Variants in NUP85 observed in about 807,000 individuals in gnomAD.
NUP85 encodes the protein nucleoporin 85, also known as nuclear pore complex protein Nup85.
In NUP85, 23 loss-of-function variants were observed where a neutral mutation model predicts 92.8. That is an observed-to-expected ratio of 0.25 (90% CI 0.18 to 0.35). The LOEUF (loss-of-function observed/expected upper bound fraction) is 0.35. Ranked by LOEUF, NUP85 falls within the 10% of genes least tolerant of loss-of-function variation. The pLI is 1.00. For missense variants in NUP85, 759 were observed against 822.8 expected (o/e 0.92, Z 0.95); for synonymous variants, 314 against 306.9 (o/e 1.02, Z -0.24).
chr17:75,228,717 T>C, intron 11 of NUP85: 3 of 985,420 alleles, frequency 3.0e-6, no homozygotes, highest in Non-Finnish European at 3.6e-6. Flanking sequence ...TTCTTTCTTT[T>C]TTTTCCTTTC....
intron 7 of NUP85, among the ~76,000 whole-genome samples, chr17:75,222,927 C>T (rs1175319083): frequency 2.7e-5 from 4 of 148,894 alleles, no homozygotes; most frequent in Non-Finnish European, 4.4e-5. Context: ...CCCAGCTACT[C>T]GGGAGGCTGA....
At chr17:75,213,803 C>G (rs1275042502) in intron 5 of NUP85, among the ~76,000 whole-genome samples, 3 of 151,818 alleles carry the variant, frequency 2.0e-5, no homozygotes, top group Non-Finnish European at 4.4e-5. Flanking sequence ...ATCCTCCTGC[C>G]TTGGCCTCCC....
intron 7 of NUP85, among the ~76,000 whole-genome samples, chr17:75,224,875 T>C (rs1279352604): frequency 6.6e-6 from 1 of 150,462 alleles, no homozygotes; most frequent in African/African-American, 2.4e-5. Context: ...GGACTACAGC[T>C]GGCTGTTTGA....
rs376603984 is a variant in NUP85, at chr17:75,209,938, C to A, written c.243C>A (p.Gly81=). 1.5e-5 allele frequency: 23 copies of A among 1,583,204 alleles called. No homozygotes were observed. The highest frequency in any genetic ancestry group is 1.9e-5 in the Non-Finnish European group (22 of 1,172,138). Residue 81 remains glycine (G), a synonymous_variant, in exon 3 of 19, where the codon GGC becomes GGA. Coordinates refer to ENST00000245544, the MANE Select transcript of NUP85 (RefSeq NM_024844.5). ...LFNESHGIFL[G]LQRIDEELTG... ...ATGAATCCCATGGAATCTTTCTGGGCCTCCAGAGAATTGACGAAGAGTTGA... is the reference window on the plus strand; with the variant it reads ...ATGAATCCCATGGAATCTTTCTGGGACTCCAGAGAATTGACGAAGAGTTGA...
At chr17:75,215,164 T>C (rs1306964603) in intron 5 of NUP85, among the ~76,000 whole-genome samples, 2 of 152,120 alleles carry the variant, frequency 1.3e-5, no homozygotes, top group East Asian at 3.9e-4. Flanking sequence ...AGAGCCAAAC[T>C]CCATCTCAAA....
At position 75,225,345 on chromosome 17, in the gene NUP85, G is replaced by A; in HGVS notation, c.736G>A (p.Gly246Arg). The A allele has an allele frequency of 6.2e-7, 1 of 1,614,186 alleles. No individual in the cohort carries two copies. The highest frequency in any genetic ancestry group is 8.5e-7 in the Non-Finnish European group (1 of 1,180,016). ...TCATGGCTGGTCTCTCCCTTAGCCC[G>A]GGAACACCCAGACACTGACAGAGCT... The part of the protein sequence containing the change: ...LMRTMPILSP[G>R]NTQTLTELEL... The change falls in exon 9 of 19, where the codon GGG becomes AGG. Residue 246 changes from glycine (G) to arginine (R), a missense_variant. Gly to Arg is a moderately radical substitution (Grantham distance 125). Transcript: ENST00000245544.
In NUP85 at chr17:75,231,942, G is replaced by A. The variant is rs1478454844; in HGVS notation, c.1359G>A (p.Val453=). 1 of 1,614,208 alleles carries A rather than the reference G, an allele frequency of 6.2e-7. No homozygotes were observed. The highest frequency in any genetic ancestry group is 1.3e-5 in the African/African-American group (1 of 75,048). Residue 453 remains valine, a synonymous_variant, in exon 14 of 19, where the codon GTG becomes GTA. Coordinates refer to ENST00000245544, the MANE Select transcript of NUP85 (RefSeq NM_024844.5). This position sits in a 1 kb window ranked among gnomAD's most constrained non-coding sequence, Gnocchi z 4.6. ...ACACCGAGCAGAAAGCCCTGAAGGTGCTGCGGATCTGTGAGCAGCGGCAGA... is the reference window on the plus strand; with the variant it reads ...ACACCGAGCAGAAAGCCCTGAAGGTACTGCGGATCTGTGAGCAGCGGCAGA... ...PLNTEQKALK[V]LRICEQRQMT... is the part of the protein sequence containing the mutation.
At chr17:75,229,808 G>A (rs1187138999) in intron 11 of NUP85, among the ~76,000 whole-genome samples, 1 of 152,186 alleles carries the variant, frequency 6.6e-6, no homozygotes, top group African/African-American at 2.4e-5. Context: ...CCTTCCAGTT[G>A]TTGGTGGCTT....
At chr17:75,226,523 G>C (rs2075801026) in intron 11 of NUP85, among the ~76,000 whole-genome samples, 1 of 152,076 alleles carries the variant, frequency 6.6e-6, no homozygotes, top group Admixed American at 6.6e-5. Context: ...TCATGAGGGA[G>C]GATGTGGCCT....
rs536734726 is a variant in NUP85 at position 75,225,259 on chromosome 17, C to T, written c.732+22C>T. ...TAGTGTACGTGGGGGTAGCTTTGCTCTGCTGGGTCACAGGAGATGCGTGAT... is the reference window on the plus strand; with the variant it reads ...TAGTGTACGTGGGGGTAGCTTTGCTTTGCTGGGTCACAGGAGATGCGTGAT... On this transcript the variant is annotated intron_variant, in intron 8 of 18. Coordinates refer to ENST00000245544, the MANE Select transcript of NUP85 (RefSeq NM_024844.5). The T allele has an allele frequency of 1.9e-6, 3 of 1,605,798 alleles. No homozygotes were observed. In the Admixed American group the frequency reaches 5.0e-5, roughly 27 times the overall value.
In NUP85 at chr17:75,215,777, G is replaced by C. The variant is rs1369978667; in HGVS notation, c.429G>C (p.Glu143Asp). Reference protein sequence around the residue: ...SSQVSILSAMELIWNLCEILF... With the variant: ...SSQVSILSAMDLIWNLCEILF... Reference sequence around the variant, plus strand: ...AGGTCTCCATTTTGTCAGCAATGGAGCTCATCTGGAACCTGTGTGAGATTC... The same window carrying C: ...AGGTCTCCATTTTGTCAGCAATGGACCTCATCTGGAACCTGTGTGAGATTC... Residue 143 changes from glutamate (E) to aspartate (D), a missense_variant, in exon 6 of 19, where the codon GAG (glutamate) becomes GAC (aspartate). By Grantham distance (45) the Glu-to-Asp change is conservative (BLOSUM62 2). Coordinates refer to ENST00000245544, the MANE Select transcript of NUP85 (RefSeq NM_024844.5). 6.2e-7 allele frequency: 1 copy of C among 1,613,932 alleles called. No individual in the cohort carries two copies. The highest frequency in any genetic ancestry group is 2.2e-5 in the East Asian group (1 of 44,896).
chr17:75,233,238 T>TC (rs2076147320), intron 16 of NUP85, 80 bp downstream of exon 16: 2 of 1,067,698 alleles, frequency 1.9e-6, no homozygotes, highest in Non-Finnish European at 2.9e-6. Flanking sequence ...GTCAGACTTC[T>TC]CCCAGCGCTT....
intron 4 of NUP85, among the ~76,000 whole-genome samples, chr17:75,212,264 T>TTG (rs2075297605): frequency 3.5e-5 from 1 of 28,838 alleles, no homozygotes; most frequent in African/African-American, 9.9e-5. Context: ...TTTTTTTTTT[T>TTG]TTTTTTTTTT....
At chr17:75,206,589 G>T (rs536489075) in intron 1 of NUP85, among the ~76,000 whole-genome samples, 1 of 152,120 alleles carries the variant, frequency 6.6e-6, no homozygotes, top group Non-Finnish European at 1.5e-5. Flanking sequence ...TTACATTCTT[G>T]TGAGTCGGTG....
Position 75,235,021 on chromosome 17 carries a change from C to T in NUP85, c.1768-79C>T, listed in dbSNP as rs778993162. The stretch of plus-strand genomic sequence containing the variant: ...ATTGCGAAGGGTATGAAAGGAAGAA[C>T]GTCCGAACATGGGCCCCTGCCCCAA... On this transcript the variant is annotated intron_variant, in intron 17 of 18. Transcript: ENST00000245544. 245 of 1,194,110 alleles carry T rather than the reference C, an allele frequency of 2.1e-4. 1 individual carries two copies. The highest frequency in any genetic ancestry group is 5.7e-4 in the Admixed American group (33 of 57,748). 74.0% of individuals were successfully genotyped at this position (1,194,110 alleles called of 1,614,324 possible).
intron 14 of NUP85, 142 bp from the exon 15 acceptor site, chr17:75,232,709 C>T (rs963033127): frequency 2.6e-6 from 2 of 759,218 alleles, no homozygotes; most frequent in Admixed American, 3.6e-5. Context: ...GTTTCCAGCT[C>T]TGCCGATCCA....
At chr17:75,212,238 T>TTGTTGTTGTTG (rs2075291494) in intron 4 of NUP85, among the ~76,000 whole-genome samples, 176 bp downstream of exon 4, 1 of 7,974 alleles carries the variant, frequency 1.3e-4, no homozygotes, top group African/African-American at 1.7e-4. Flanking sequence ...GGTTTTTTTT[T>TTGTTGTTGTTG]TTGTTGTTGT....
rs759915823 is a variant in NUP85, at chr17:75,231,418, C to G, written c.1173C>G (p.Asn391Lys). ...ACTGCAAGCTCCTCCAGTCACACAA[C>G]CTCTAGTAAGTGGCCGGGAGGCACC... The part of the protein sequence containing the change: ...LDHCKLLQSH[N>K]LYFGSNMREF... Residue 391 changes from asparagine (N) to lysine (K), a missense_variant, in exon 12 of 19, where the codon AAC becomes AAG. Coordinates refer to ENST00000245544, the MANE Select transcript of NUP85 (RefSeq NM_024844.5). This position sits in a 1 kb window ranked among gnomAD's most constrained non-coding sequence, Gnocchi z 4.6. 13 of 1,614,188 alleles carry G rather than the reference C, an allele frequency of 8.1e-6. No individual in the cohort carries two copies. In the South Asian group the frequency reaches 1.3e-4, roughly 16 times the overall value.
chr17:75,232,658 C>T (rs2076117835), intron 14 of NUP85, among the ~76,000 whole-genome samples, 193 bp from the exon 15 acceptor site: 1 of 152,162 alleles, frequency 6.6e-6, no homozygotes, highest in Non-Finnish European at 1.5e-5. Flanking sequence ...GTGATGGGCA[C>T]TTACACTCTT....
Sources: gnomAD v4.1 joint callset for allele counts (sites outside exome capture counted in the v4.1 genomes callset) on GRCh38, gnomAD v4.1.1 for gene constraint, Gnocchi (gnomAD v3.1) non-coding constraint, MANE v1.5 for transcripts, NCBI Gene and HGNC (gene_info 2026-07-23, HGNC 2026-07-21) for gene names.